PDE3A: variants seen among roughly 807,000 people sequenced by gnomAD.
PDE3A encodes the protein cGMP-inhibited 3',5'-cyclic phosphodiesterase 3A.
PDE3A carries 43 observed loss-of-function variants against 98.3 expected under a neutral mutation model. The observed-to-expected ratio is 0.44, with a 90% CI of 0.34 to 0.56. The LOEUF (loss-of-function observed/expected upper bound fraction) is 0.56. Ranked by LOEUF, PDE3A falls within the 20% of genes least tolerant of loss-of-function variation. PDE3A has a pLI of 0.01. For missense variants in PDE3A, 1,427 were observed against 1,440.7 expected, an observed-to-expected ratio of 0.99 and a Z score of 0.15; for synonymous variants, 663 against 567.9, an observed-to-expected ratio of 1.17 and a Z score of -2.38.
At chr12:20,581,106 GTTCT>G (rs771634441) in intron 2 of PDE3A, among the ~76,000 whole-genome samples, 22 of 152,122 alleles carry the variant, frequency 1.4e-4, no homozygotes, top group Non-Finnish European at 2.5e-4. Flanking sequence ...GCAGAAGACA[GTTCT>G]TTCTAAATTT....
At chr12:20,619,608 T>A (rs1944087039) in intron 4 of PDE3A, among the ~76,000 whole-genome samples, 1 of 152,106 alleles carries the variant, frequency 6.6e-6, no homozygotes, top group Non-Finnish European at 1.5e-5. Context: ...GTTATCTGTT[T>A]CAGATCCAAA....
intron 2 of PDE3A, among the ~76,000 whole-genome samples, chr12:20,574,930 A>AT (rs1240263958): frequency 6.6e-6 from 1 of 152,032 alleles, no homozygotes; most frequent in East Asian, 1.9e-4. Flanking sequence ...CATTACACAG[A>AT]TTTTTTGTTC....
chr12:20,480,319 T>A (rs1945601369), intron 1 of PDE3A, among the ~76,000 whole-genome samples: 1 of 152,170 alleles, frequency 6.6e-6, no homozygotes, highest in Non-Finnish European at 1.5e-5. Context: ...AGGTTATATA[T>A]TTTTTAGCTA....
intron 14 of PDE3A, among the ~76,000 whole-genome samples, chr12:20,650,882 G>C (rs1565463358): frequency 6.6e-6 from 1 of 151,876 alleles, no homozygotes. Context: ...TTGAAATACT[G>C]TTTTTTTATA....
intron 1 of PDE3A, among the ~76,000 whole-genome samples, chr12:20,496,967 C>T (rs963337837): frequency 3.4e-4 from 51 of 152,134 alleles, no homozygotes; most frequent in African/African-American, 1.1e-3. Flanking sequence ...TCCATGAGGA[C>T]GCCTTGTACT....
chr12:20,555,723 A>T (rs1942353417), intron 1 of PDE3A, among the ~76,000 whole-genome samples: 1 of 152,228 alleles, frequency 6.6e-6, no homozygotes. Flanking sequence ...CTTCTTTACC[A>T]GTAGCACTGT....
chr12:20,507,948 CAGTT>C (rs1565571721), intron 1 of PDE3A, among the ~76,000 whole-genome samples: 1 of 152,056 alleles, frequency 6.6e-6, no homozygotes, highest in Admixed American at 6.6e-5. Flanking sequence ...GAACCTGAGT[CAGTT>C]AATGTCACTC....
chr12:20,657,858 G>T (rs186742849), intron 15 of PDE3A, among the ~76,000 whole-genome samples: 1 of 152,268 alleles, frequency 6.6e-6, no homozygotes, highest in African/African-American at 2.4e-5. Flanking sequence ...GAGGAAAATT[G>T]AGCTTTTGTT....
intron 1 of PDE3A, among the ~76,000 whole-genome samples, chr12:20,533,548 T>C (rs146853096): frequency 0.031 from 4,708 of 150,910 alleles, 106 homozygotes; most frequent in Middle Eastern, 0.12. Context: ...GTGGCGCCAT[T>C]TCGGCTCACT....
rs1395202109 is a variant in PDE3A at position 20,680,417 on chromosome 12, A to T, written c.*146A>T. 3.8e-5 allele frequency: 32 copies of T among 838,320 alleles called. 1 individual carries two copies. The highest frequency in any genetic ancestry group is 5.1e-4 in the Middle Eastern group (2 of 3,938). 51.9% of individuals were successfully genotyped at this position (838,320 alleles called of 1,614,324 possible). A position where few individuals can be genotyped will look rare whatever the true frequency, so the allele number is the denominator to read the frequency against. Reference sequence around the variant, plus strand: ...TTGGGATTCTTCGCATTTTGTGTGTATATTTTTACAGTGAGGTACATTGTT... The same window carrying T: ...TTGGGATTCTTCGCATTTTGTGTGTTTATTTTTACAGTGAGGTACATTGTT... On this transcript the variant is annotated 3_prime_UTR_variant, in exon 16 of 16. Coordinates refer to ENST00000359062, the MANE Select transcript of PDE3A (RefSeq NM_000921.5).
At chr12:20,450,664 G>A (rs1174960762) in intron 1 of PDE3A, among the ~76,000 whole-genome samples, 1 of 152,218 alleles carries the variant, frequency 6.6e-6, no homozygotes, top group Non-Finnish European at 1.5e-5. Flanking sequence ...GGCTAAAAGT[G>A]TTAGAAGGAG....
chr12:20,578,563 A>G (rs1942996077), intron 2 of PDE3A, among the ~76,000 whole-genome samples: 1 of 152,082 alleles, frequency 6.6e-6, no homozygotes. Flanking sequence ...AAGCACTATC[A>G]TTTGAAAGAG....
At chr12:20,449,503 T>C (rs540004287) in intron 1 of PDE3A, among the ~76,000 whole-genome samples, 42 of 152,300 alleles carry the variant, frequency 2.8e-4, no homozygotes, top group African/African-American at 9.9e-4. Flanking sequence ...TTAAGAAAAC[T>C]GTAGAAAGTT....
chr12:20,442,806 T>C (rs1221452413), intron 1 of PDE3A, among the ~76,000 whole-genome samples: 2 of 152,194 alleles, frequency 1.3e-5, no homozygotes, highest in East Asian at 3.8e-4. Flanking sequence ...TTGAAGCATA[T>C]GCTTAAACTT....
At chr12:20,416,560 A>G (rs932649659) in intron 1 of PDE3A, among the ~76,000 whole-genome samples, 1 of 152,186 alleles carries the variant, frequency 6.6e-6, no homozygotes, top group African/African-American at 2.4e-5. Flanking sequence ...CAGTTACTTT[A>G]AAGTACTCCA....
intron 10 of PDE3A, among the ~76,000 whole-genome samples, chr12:20,643,620 A>T (rs368244235): frequency 7.3e-3 from 80 of 10,998 alleles, no homozygotes; most frequent in African/African-American, 0.012. Flanking sequence ...GGATTTGGTT[A>T]GTGATTTTTT....
chr12:20,459,515 A>G (rs1456207452), intron 1 of PDE3A, among the ~76,000 whole-genome samples: 3 of 152,302 alleles, frequency 2.0e-5, no homozygotes, highest in Admixed American at 2.0e-4. Flanking sequence ...TAATTTACAT[A>G]CACCTTTTAA....
At chr12:20,611,772 T>C (rs1943861148) in intron 2 of PDE3A, among the ~76,000 whole-genome samples, 1 of 151,872 alleles carries the variant, frequency 6.6e-6, no homozygotes, top group African/African-American at 2.4e-5. Context: ...GAATAATATA[T>C]ATTCACTTTT....
intron 2 of PDE3A, among the ~76,000 whole-genome samples, chr12:20,609,282 C>G (rs1342686683): frequency 6.6e-6 from 1 of 151,678 alleles, no homozygotes; most frequent in Non-Finnish European, 1.5e-5. Flanking sequence ...ACAAATAAGT[C>G]CCTAGCTGAA....
Sources: allele counts gnomAD v4.1 joint callset (sites outside exome capture counted in the v4.1 genomes callset), GRCh38; gene constraint gnomAD v4.1.1; transcripts MANE v1.5; gene names NCBI Gene and HGNC (gene_info 2026-07-23, HGNC 2026-07-21).